Variants in LINGO1 observed in about 807,000 individuals in gnomAD.
LINGO1 encodes the protein leucine rich repeat and Ig domain containing 1.
Under a neutral mutation model 37.3 loss-of-function variants are expected in LINGO1, and 11 were observed. The ratio of observed to expected loss-of-function variants is 0.29; its 90% confidence interval spans 0.19 to 0.49. The LOEUF is 0.49. LINGO1 is among the 20% of genes least tolerant of loss of function. LINGO1 has a pLI of 0.99. For missense variants in LINGO1, 585 were observed against 878.2 expected (o/e 0.67, Z 4.22); for synonymous variants, 387 against 403.0 (o/e 0.96, Z 0.48).
intron 1 of LINGO1, among the ~76,000 whole-genome samples, chr15:77,618,186 G>C (rs948017472): frequency 1.3e-5 from 2 of 152,354 alleles, no homozygotes; most frequent in Non-Finnish European, 2.9e-5. Flanking sequence ...AGCTGCTGGA[G>C]AGAAGGCTGG....
chr15:77,731,371 G>A (rs758081348), intron 2 of LINGO1, among the ~76,000 whole-genome samples: 15 of 152,150 alleles, frequency 9.9e-5, no homozygotes, highest in Non-Finnish European at 1.9e-4. Flanking sequence ...AGACCCACGC[G>A]TGTCCCCTGC....
chr15:77,647,305 C>A (rs1262263247), intron 3 of LINGO1, among the ~76,000 whole-genome samples: 1 of 151,678 alleles, frequency 6.6e-6, no homozygotes, highest in Non-Finnish European at 1.5e-5. Flanking sequence ...GGTCAGTCTG[C>A]CAGAGCACAG....
At chr15:77,662,507 C>G (rs1377104168) in intron 3 of LINGO1, among the ~76,000 whole-genome samples, 1 of 152,154 alleles carries the variant, frequency 6.6e-6, no homozygotes, top group Non-Finnish European at 1.5e-5. Context: ...CCTCCACCCT[C>G]TCTTGAAGCC....
intron 2 of LINGO1, among the ~76,000 whole-genome samples, chr15:77,733,543 G>C (rs139424821): frequency 6.6e-6 from 1 of 152,336 alleles, no homozygotes; most frequent in African/African-American, 2.4e-5. Flanking sequence ...AAAGTGTAGG[G>C]AGAGAGACGG....
chr15:77,666,634 A>C (rs1480637127), intron 3 of LINGO1, among the ~76,000 whole-genome samples: 1 of 152,214 alleles, frequency 6.6e-6, no homozygotes, highest in East Asian at 1.9e-4. Context: ...CCCACCACTT[A>C]ACAACCTTGT....
chr15:77,722,040 C>T (rs1327399546), intron 2 of LINGO1, among the ~76,000 whole-genome samples: 1 of 152,222 alleles, frequency 6.6e-6, no homozygotes, highest in Non-Finnish European at 1.5e-5. Flanking sequence ...GATGCTCCCA[C>T]CCCTCTCTGC....
intron 1 of LINGO1, among the ~76,000 whole-genome samples, chr15:77,754,039 GA>G (rs562421710): frequency 3.3e-5 from 5 of 152,072 alleles, no homozygotes; most frequent in Admixed American, 6.5e-5. Flanking sequence ...ATTTGCTGTG[GA>G]AAAGCAGGAA....
chr15:77,634,286 A>G, upstream of LINGO1: 1 of 456,040 alleles, frequency 2.2e-6, no homozygotes, highest in Non-Finnish European at 4.4e-6. Context: ...CTTCTGTTCC[A>G]GCTGCACCAT....
At chr15:77,669,034 A>G (rs765574427) in intron 3 of LINGO1, among the ~76,000 whole-genome samples, 14 of 152,276 alleles carry the variant, frequency 9.2e-5, no homozygotes, top group Non-Finnish European at 1.6e-4. Context: ...TTTGCTTCAC[A>G]GAAAATCCCT....
At chr15:77,708,599 T>C (rs1389631725) in intron 2 of LINGO1, among the ~76,000 whole-genome samples, 1 of 152,194 alleles carries the variant, frequency 6.6e-6, no homozygotes, top group East Asian at 1.9e-4. Flanking sequence ...CAACGACTGA[T>C]GTTCTTATAC....
At chr15:77,644,496 C>T (rs2074580330) in intron 3 of LINGO1, among the ~76,000 whole-genome samples, 1 of 152,202 alleles carries the variant, frequency 6.6e-6, no homozygotes, top group African/African-American at 2.4e-5. Flanking sequence ...CTGAGCCCAC[C>T]CTGTGGTATT....
At chr15:77,754,131 G>A (rs1392486922) in intron 1 of LINGO1, among the ~76,000 whole-genome samples, 1 of 151,756 alleles carries the variant, frequency 6.6e-6, no homozygotes, top group Non-Finnish European at 1.5e-5. Context: ...AGGAAAGGGG[G>A]AAAAGGGAAA....
At position 77,632,489 on chromosome 15, in the gene LINGO1, G is replaced by A. The variant is rs1205274961; in HGVS notation, c.-174C>T. 13 of 552,636 alleles carry A rather than the reference G, an allele frequency of 2.4e-5. No homozygotes were observed. In the East Asian group the frequency reaches 5.2e-4, roughly 22 times the overall value. The allele number at this position is 552,636 out of a possible 1,614,324, so 34.2% of individuals were successfully genotyped here. A position where few individuals can be genotyped will look rare whatever the true frequency, so the allele number is the denominator to read the frequency against. On this transcript the variant is annotated 5_prime_UTR_variant, in exon 1 of 2. Coordinates refer to ENST00000355300, the MANE Select transcript of LINGO1 (RefSeq NM_032808.7). The surrounding 1 kb of genome is among the most constrained non-coding windows in gnomAD (Gnocchi z 6.0). ...CTGGCTGTCCGTCTGTCCGCCCCGC[G>A]CGGGCGGGAGCCGAGCCGGAGCCGG...
chr15:77,739,448 A>G (rs535819540), intron 1 of LINGO1, among the ~76,000 whole-genome samples: 40 of 152,278 alleles, frequency 2.6e-4, no homozygotes, highest in African/African-American at 9.4e-4. Context: ...CCTCCCTCAG[A>G]AGCCCCTGGT....
At chr15:77,739,580 T>C (rs1366403733) in intron 1 of LINGO1, among the ~76,000 whole-genome samples, 2 of 152,188 alleles carry the variant, frequency 1.3e-5, no homozygotes, top group Non-Finnish European at 2.9e-5. Context: ...AAAAATACTT[T>C]TGGTGAGGTC....
chr15:77,711,887 G>GC (rs974134815), intron 2 of LINGO1, among the ~76,000 whole-genome samples: 5 of 152,092 alleles, frequency 3.3e-5, no homozygotes, highest in South Asian at 2.1e-4. Context: ...CCTCTGAGGG[G>GC]GGGGCACACA....
chr15:77,675,527 A>G (rs1224584866), intron 3 of LINGO1, among the ~76,000 whole-genome samples: 2 of 152,216 alleles, frequency 1.3e-5, no homozygotes, highest in African/African-American at 4.8e-5. Context: ...GGAGCAATAT[A>G]ACTAATATGA....
At chr15:77,730,705 C>T (rs1443028075) in intron 2 of LINGO1, among the ~76,000 whole-genome samples, 2 of 152,248 alleles carry the variant, frequency 1.3e-5, no homozygotes, top group African/African-American at 2.4e-5. Flanking sequence ...GGGAAAAAAG[C>T]CAGACTTTGG....
At chr15:77,733,100 ACCCCCACAGCTC>A (rs1320293358) in intron 2 of LINGO1, among the ~76,000 whole-genome samples, 5 of 151,564 alleles carry the variant, frequency 3.3e-5, no homozygotes, top group Non-Finnish European at 7.4e-5. Flanking sequence ...TGCAGCAGCC[ACCCCCACAGCTC>A]CCCCATCTAG....
Sources: allele counts gnomAD v4.1 joint callset (sites outside exome capture counted in the v4.1 genomes callset), GRCh38; gene constraint gnomAD v4.1.1; non-coding constraint Gnocchi (gnomAD v3.1); transcripts MANE v1.5; gene names NCBI Gene and HGNC (gene_info 2026-07-23, HGNC 2026-07-21).